The following ATXN1 variants were observed in gnomAD, a reference collection of about 807,000 sequenced individuals.
ATXN1 encodes the protein ataxin 1, also known as ataxin-1.
A neutral mutation model predicts 56.4 loss-of-function variants in ATXN1; 8 were observed. The ratio of observed to expected loss-of-function variants is 0.14; its 90% CI spans 0.08 to 0.26. ATXN1 has a LOEUF of 0.26. Among genes scored for constraint, ATXN1 ranks in the 10% least tolerant of loss-of-function variants. The pLI, the probability that ATXN1 is intolerant of heterozygous loss-of-function variation, is 1.00. For missense variants in ATXN1, 987 were observed against 1,106.5 expected (o/e 0.89, Z 1.53); for synonymous variants, 514 against 494.6 (o/e 1.04, Z -0.52).
chr6:16,456,945 T>C (rs1248517844), intron 6 of ATXN1, among the ~76,000 whole-genome samples: 1 of 152,194 alleles, frequency 6.6e-6, no homozygotes, highest in Non-Finnish European at 1.5e-5. Context: ...AAAGCTAGGA[T>C]AGGAGGAGAC....
chr6:16,643,984 A>G (rs1763755777), intron 3 of ATXN1, among the ~76,000 whole-genome samples: 1 of 152,220 alleles, frequency 6.6e-6, no homozygotes, highest in Non-Finnish European at 1.5e-5. Context: ...ATTAAAAATT[A>G]AATTATGGGC....
intron 6 of ATXN1, among the ~76,000 whole-genome samples, chr6:16,337,501 C>T (rs1761150688): frequency 1.3e-5 from 2 of 152,234 alleles, no homozygotes. Flanking sequence ...TGCCGGAATT[C>T]CTGGAAAGGC....
rs150264882 is a variant in ATXN1 at position 16,688,629 on chromosome 6, T to C, written c.-614-30728A>G. On this transcript the variant is annotated intron_variant, in intron 2 of 7. Coordinates refer to ENST00000436367, the MANE Select transcript of ATXN1 (RefSeq NM_001128164.2). ...AAATAGCCAGCCTTGCTCAACATAA[T>C]ATTGCAAACCCAAAACAGGGTAATT... 3.9e-5 allele frequency among the ~76,000 whole-genome samples: 6 copies of C among 152,330 alleles called. No homozygotes were observed. The East Asian group carries it at 9.6e-4, about 24-fold the overall frequency.
chr6:16,683,589 G>A (rs1758857473), intron 2 of ATXN1, among the ~76,000 whole-genome samples: 2 of 152,136 alleles, frequency 1.3e-5, no homozygotes, highest in African/African-American at 4.8e-5. Flanking sequence ...GGATTTTTGG[G>A]CTACCTGAAA....
chr6:16,605,665 ATC>A (rs1189895641), intron 3 of ATXN1, among the ~76,000 whole-genome samples: 1 of 152,200 alleles, frequency 6.6e-6, no homozygotes, highest in Admixed American at 6.5e-5. Context: ...AAGAACTACC[ATC>A]TCTCTCAGTA....
At chr6:16,526,857 G>A (rs938012672) in intron 4 of ATXN1, among the ~76,000 whole-genome samples, 1 of 151,900 alleles carries the variant, frequency 6.6e-6, no homozygotes, top group Non-Finnish European at 1.5e-5. Flanking sequence ...GAATAGGGAT[G>A]GCTAGATCAA....
intron 6 of ATXN1, among the ~76,000 whole-genome samples, chr6:16,346,026 C>A (rs1237757615): frequency 3.9e-5 from 6 of 152,128 alleles, no homozygotes; most frequent in African/African-American, 1.4e-4. Context: ...TGACTGCATC[C>A]GGCAGGAAGT....
rs527522971 is a variant in ATXN1 at position 16,456,362 on chromosome 6, T to C, written c.-161+29610A>G. On this transcript the variant is annotated intron_variant, in intron 6 of 7. Transcript: ENST00000436367. ...TTCAGGGGCTAAAACTAGGCACCTG[T>C]CAGCCAGTTAAAAGCAACTAGCATG... Among the ~76,000 whole-genome samples, 3 of 152,258 alleles carry C rather than the reference T, an allele frequency of 2.0e-5. 1 individual carries two copies. Among genetic ancestry groups the C allele is most frequent in the African/African-American group, 7.2e-5 (3 of 41,546 alleles).
chr6:16,431,014 T>C (rs1450369913), intron 6 of ATXN1, among the ~76,000 whole-genome samples: 1 of 146,640 alleles, frequency 6.8e-6, no homozygotes, highest in Non-Finnish European at 1.5e-5. Context: ...AGCCCTCTCA[T>C]GTTTCTATGA....
chr6:16,452,260 C>T (rs9358093), intron 6 of ATXN1, among the ~76,000 whole-genome samples: 1 of 152,070 alleles, frequency 6.6e-6, no homozygotes, highest in Non-Finnish European at 1.5e-5. Flanking sequence ...GGGTGTATTG[C>T]TGGCATTCAA....
At chr6:16,612,054 T>C (rs559739755) in intron 3 of ATXN1, among the ~76,000 whole-genome samples, 30 of 151,452 alleles carry the variant, frequency 2.0e-4, no homozygotes, top group Admixed American at 1.6e-3. Flanking sequence ...AGAGACGGGG[T>C]TTCACCATGT....
intron 3 of ATXN1, among the ~76,000 whole-genome samples, chr6:16,612,035 ATTT>A (rs1763118095): frequency 1.3e-5 from 2 of 151,290 alleles, no homozygotes; most frequent in Admixed American, 1.3e-4. Context: ...AATTTTTTGT[ATTT>A]TTAGTAGAGA....
At chr6:16,454,004 C>A (rs1038343820) in intron 6 of ATXN1, among the ~76,000 whole-genome samples, 1 of 151,790 alleles carries the variant, frequency 6.6e-6, no homozygotes, top group African/African-American at 2.4e-5. Context: ...GTTAGCCAGG[C>A]ATGGTGGCAC....
intron 4 of ATXN1, among the ~76,000 whole-genome samples, chr6:16,566,549 A>C (rs1013455934): frequency 1.3e-5 from 2 of 149,958 alleles, no homozygotes; most frequent in African/African-American, 4.8e-5. Flanking sequence ...CAATTAAAAA[A>C]CAAACAAACA....
chr6:16,463,564 G>C (rs1469812882), intron 6 of ATXN1, among the ~76,000 whole-genome samples: 2 of 152,162 alleles, frequency 1.3e-5, no homozygotes, highest in African/African-American at 4.8e-5. Flanking sequence ...TAGACTCTTT[G>C]GCAGTAGTGA....
At chr6:16,311,176 T>G (rs1400772333) in intron 7 of ATXN1, among the ~76,000 whole-genome samples, 1 of 152,264 alleles carries the variant, frequency 6.6e-6, no homozygotes, top group East Asian at 1.9e-4. Context: ...GTATTTTGTT[T>G]AATGTTCATA....
chr6:16,722,949 C>A (rs1172465249), intron 2 of ATXN1, among the ~76,000 whole-genome samples: 1 of 152,206 alleles, frequency 6.6e-6, no homozygotes, highest in Non-Finnish European at 1.5e-5. Flanking sequence ...CACGCAAATA[C>A]AGAAGTATTT....
intron 4 of ATXN1, among the ~76,000 whole-genome samples, chr6:16,535,310 A>T (rs377336602): frequency 1.6e-4 from 25 of 152,370 alleles, no homozygotes; most frequent in African/African-American, 5.0e-4. Flanking sequence ...GAAATGGCTG[A>T]TTCTAGTACT....
intron 4 of ATXN1, among the ~76,000 whole-genome samples, chr6:16,550,153 T>TAAAAAAAAAAAAAAAAAA (rs1194433906): frequency 1.8e-4 from 6 of 34,154 alleles, no homozygotes; most frequent in African/African-American, 4.5e-4. Flanking sequence ...ATAAATAAAA[T>TAAAAAAAAAAAAAAAAAA]ACAAAAAAAA....
Sources: gnomAD v4.1 joint callset for allele counts (sites outside exome capture counted in the v4.1 genomes callset) on GRCh38, gnomAD v4.1.1 for gene constraint, MANE v1.5 for transcripts, NCBI Gene and HGNC (gene_info 2026-07-23, HGNC 2026-07-21) for gene names.